SNTG1: variants seen among roughly 807,000 people sequenced by gnomAD.
The protein encoded by SNTG1 is gamma-1-syntrophin.
A neutral mutation model predicts 74.7 loss-of-function variants in SNTG1; 39 were observed. That is an observed-to-expected ratio of 0.52 (90% CI 0.40 to 0.68). SNTG1 has a LOEUF of 0.68. Ranked by LOEUF, SNTG1 falls within the 30% of genes least tolerant of loss-of-function variation. The pLI is 0.00. For synonymous variants in SNTG1, 254 were observed against 217.1 expected, an observed-to-expected ratio of 1.17 and a Z score of -1.49; for missense variants, 685 against 609.5, an observed-to-expected ratio of 1.12 and a Z score of -1.30.
intron 2 of SNTG1, among the ~76,000 whole-genome samples, chr8:50,284,978 T>A (rs1452027393): frequency 6.6e-6 from 1 of 152,190 alleles, no homozygotes; most frequent in East Asian, 1.9e-4. Context: ...CCTCAGTGTA[T>A]TCCTTCAGAT....
intron 2 of SNTG1, among the ~76,000 whole-genome samples, chr8:50,232,866 C>T (rs1017647329): frequency 3.3e-5 from 5 of 151,486 alleles, no homozygotes; most frequent in South Asian, 2.1e-4. Flanking sequence ...GTGATATAAA[C>T]TTAAAACACC....
intron 1 of SNTG1, among the ~76,000 whole-genome samples, chr8:49,943,278 G>A (rs318880): frequency 0.095 from 12,760 of 134,902 alleles, 1,735 homozygotes; most frequent in African/African-American, 0.29. Flanking sequence ...TTACAAAAAG[G>A]GATCCTTCGA....
At chr8:50,560,857 C>T (rs567517315) in intron 12 of SNTG1, among the ~76,000 whole-genome samples, 143 of 151,878 alleles carry the variant, frequency 9.4e-4, no homozygotes, top group African/African-American at 3.3e-3. Flanking sequence ...TACACATGTT[C>T]CCCAGAACTT....
chr8:50,617,740 T>G (rs932966164), intron 13 of SNTG1, among the ~76,000 whole-genome samples: 32 of 152,202 alleles, frequency 2.1e-4, no homozygotes, highest in African/African-American at 7.7e-4. Flanking sequence ...GGTACATGAC[T>G]GGGGGCTGCA....
At chr8:50,130,887 G>A (rs2131400728) in intron 1 of SNTG1, among the ~76,000 whole-genome samples, 1 of 152,128 alleles carries the variant, frequency 6.6e-6, no homozygotes, top group African/African-American at 2.4e-5. Context: ...GGAAATAATG[G>A]TTTCAAGTAA....
chr8:50,096,553 A>G, intron 1 of SNTG1, among the ~76,000 whole-genome samples: 1 of 152,152 alleles, frequency 6.6e-6, no homozygotes, highest in Non-Finnish European at 1.5e-5. Flanking sequence ...ATTGTGGAGT[A>G]ATATGTTTTC....
At chr8:50,685,965 T>C (rs56411134) in intron 15 of SNTG1, among the ~76,000 whole-genome samples, 2,305 of 152,284 alleles carry the variant, frequency 0.015, 50 homozygotes, top group African/African-American at 0.052. Flanking sequence ...TGTGTGTGTG[T>C]TCTTGGGTGC....
At chr8:49,936,912 G>C (rs1240501002) in intron 1 of SNTG1, among the ~76,000 whole-genome samples, 1 of 152,204 alleles carries the variant, frequency 6.6e-6, no homozygotes, top group East Asian at 1.9e-4. Flanking sequence ...ACTTTGGGAG[G>C]CCGAGGTGGG....
chr8:49,991,892 C>G (rs1297760868), intron 1 of SNTG1, among the ~76,000 whole-genome samples: 2 of 152,146 alleles, frequency 1.3e-5, no homozygotes, highest in African/African-American at 4.8e-5. Flanking sequence ...GTTTGCACAA[C>G]TGTATAAATA....
intron 2 of SNTG1, among the ~76,000 whole-genome samples, chr8:50,307,535 G>GA (rs963902561): frequency 6.6e-6 from 1 of 151,662 alleles, no homozygotes; most frequent in Non-Finnish European, 1.5e-5. Context: ...CTTTATGTCT[G>GA]AAAAAAGTAT....
At chr8:50,378,567 G>A (rs2092427940) in intron 2 of SNTG1, among the ~76,000 whole-genome samples, 1 of 152,156 alleles carries the variant, frequency 6.6e-6, no homozygotes, top group South Asian at 2.1e-4. Flanking sequence ...GAGCTTTATT[G>A]ATAGATAGGA....
At chr8:50,531,532 A>G (rs1003780186) in intron 10 of SNTG1, among the ~76,000 whole-genome samples, 2 of 152,202 alleles carry the variant, frequency 1.3e-5, no homozygotes, top group South Asian at 4.2e-4. Context: ...GATGCCTTCG[A>G]TAATTTCGAT....
chr8:49,930,561 G>GTATA (rs34139870), intron 1 of SNTG1, among the ~76,000 whole-genome samples: 15 of 149,830 alleles, frequency 1.0e-4, no homozygotes, highest in East Asian at 7.8e-4. Context: ...ATATGTGTGT[G>GTATA]TATATATATA....
chr8:50,475,245 TAAA>T (rs1190702566), intron 8 of SNTG1, among the ~76,000 whole-genome samples: 31 of 150,496 alleles, frequency 2.1e-4, no homozygotes, highest in African/African-American at 7.3e-4. Flanking sequence ...ATAATAATAA[TAAA>T]AAAGAGCATG....
intron 1 of SNTG1, among the ~76,000 whole-genome samples, chr8:49,977,301 CAGACAA>C (rs1470415811): frequency 6.6e-6 from 1 of 151,560 alleles, no homozygotes; most frequent in African/African-American, 2.4e-5. Context: ...AAAAAAACAA[CAGACAA>C]AGCAATTCAG....
At chr8:50,791,770 G>C (rs899114098) in intron 18 of SNTG1, among the ~76,000 whole-genome samples, 2 of 151,606 alleles carry the variant, frequency 1.3e-5, no homozygotes, top group African/African-American at 2.4e-5. Context: ...TAAGTTCATC[G>C]TATTGATTTC....
At chr8:50,749,888 G>T (rs2095563362) in intron 17 of SNTG1, among the ~76,000 whole-genome samples, 1 of 152,010 alleles carries the variant, frequency 6.6e-6, no homozygotes, top group Non-Finnish European at 1.5e-5. Context: ...CTTCTTGTCT[G>T]CTAACACAAT....
At chr8:50,053,364 T>C (rs1819741501) in intron 1 of SNTG1, among the ~76,000 whole-genome samples, 1 of 152,104 alleles carries the variant, frequency 6.6e-6, no homozygotes, top group East Asian at 1.9e-4. Flanking sequence ...ATTTCATTTA[T>C]ATGTAATGTC....
intron 2 of SNTG1, among the ~76,000 whole-genome samples, chr8:50,339,203 A>G (rs1279935453): frequency 1.3e-5 from 2 of 152,112 alleles, no homozygotes; most frequent in Non-Finnish European, 2.9e-5. Flanking sequence ...ATCAAGTTAA[A>G]TTATCCTTCA....
Sources: gnomAD v4.1 joint callset for allele counts (sites outside exome capture counted in the v4.1 genomes callset) on GRCh38, gnomAD v4.1.1 for gene constraint, MANE v1.5 for transcripts, NCBI Gene and HGNC (gene_info 2026-07-23, HGNC 2026-07-21) for gene names.